HS6ST1: variants seen among roughly 807,000 people sequenced by gnomAD.
HS6ST1 encodes heparan sulfate 6-O-sulfotransferase 1.
HS6ST1 carries 3 observed loss-of-function variants against 25.2 expected under a neutral mutation model. The ratio of observed to expected loss-of-function variants is 0.12; its 90% CI spans 0.05 to 0.31. The LOEUF is 0.31. Among genes scored for constraint, HS6ST1 ranks in the 10% least tolerant of loss-of-function variants. The probability of loss-of-function intolerance (pLI) is 1.00; values close to 1 mark genes in which losing one functional copy is unlikely to be tolerated. For missense variants in HS6ST1, 310 were observed against 609.6 expected, an observed-to-expected ratio of 0.51 and a Z score of 5.18; for synonymous variants, 204 against 275.1, an observed-to-expected ratio of 0.74 and a Z score of 2.56.
intron 1 of HS6ST1, among the ~76,000 whole-genome samples, chr2:128,276,120 T>C (rs190986278): frequency 1.2e-3 from 182 of 152,308 alleles, no homozygotes; most frequent in Non-Finnish European, 2.2e-3. Context: ...GGGACACACA[T>C]ATACATGTTG....
At chr2:128,316,927 G>C (rs2104940678) in intron 1 of HS6ST1, among the ~76,000 whole-genome samples, 1 of 152,274 alleles carries the variant, frequency 6.6e-6, no homozygotes. Context: ...CTGGACCCAA[G>C]AGTGCCAGCC....
At chr2:128,292,881 A>T (rs1242436467) in intron 1 of HS6ST1, among the ~76,000 whole-genome samples, 1 of 151,848 alleles carries the variant, frequency 6.6e-6, no homozygotes, top group East Asian at 1.9e-4. Flanking sequence ...GGCACCTGAG[A>T]CATGGGGTGT....
intron 1 of HS6ST1, among the ~76,000 whole-genome samples, chr2:128,285,862 G>T (rs1190699833): frequency 1.3e-5 from 2 of 152,242 alleles, no homozygotes; most frequent in East Asian, 3.9e-4. Flanking sequence ...AGTGGGACAG[G>T]TGCCGTCTGC....
At chr2:128,283,534 G>A (rs1485634567) in intron 1 of HS6ST1, among the ~76,000 whole-genome samples, 4 of 152,180 alleles carry the variant, frequency 2.6e-5, no homozygotes, top group Admixed American at 6.5e-5. Context: ...AGGTGACCCC[G>A]GGCCAGGTCT....
intron 1 of HS6ST1, among the ~76,000 whole-genome samples, chr2:128,276,402 T>A (rs891897977): frequency 1.3e-5 from 2 of 152,122 alleles, no homozygotes; most frequent in African/African-American, 4.8e-5. Flanking sequence ...TCCCAAAGTG[T>A]TGGGATGACA....
At position 128,274,561 on chromosome 2, in the gene HS6ST1, AGAAC is replaced by A. The variant is rs745624046; in HGVS notation, c.528-5695_528-5692del. ...TTAGCAAAAAAGGAAAAGAAAAAAC[AGAAC>A]AAACAAACAAACAAACAAACTTGGA... On this transcript the variant is annotated intron_variant, in intron 1 of 1. Coordinates refer to ENST00000259241, the MANE Select transcript of HS6ST1 (RefSeq NM_004807.3). Among the ~76,000 whole-genome samples the A allele has an allele frequency of 1.0e-4, 14 of 135,194 alleles. No homozygotes were observed. The Admixed American group carries it at 1.2e-3, about 12-fold the overall frequency. The allele number at this position is 135,194 out of a possible 152,430, so 88.7% of individuals were successfully genotyped here.
intron 1 of HS6ST1, among the ~76,000 whole-genome samples, chr2:128,275,017 G>A (rs1444194646): frequency 2.8e-5 from 4 of 143,022 alleles, no homozygotes; most frequent in African/African-American, 7.9e-5. Context: ...GGAATGGACA[G>A]ATGGCCTGAC....
At chr2:128,297,274 G>A (rs1312883114) in intron 1 of HS6ST1, among the ~76,000 whole-genome samples, 2 of 152,146 alleles carry the variant, frequency 1.3e-5, no homozygotes, top group Non-Finnish European at 2.9e-5. Flanking sequence ...ATTCAATGGG[G>A]AAAACACACT....
chr2:128,291,072 C>T (rs1693944034), intron 1 of HS6ST1, among the ~76,000 whole-genome samples: 1 of 152,206 alleles, frequency 6.6e-6, no homozygotes, highest in African/African-American at 2.4e-5. Context: ...TGCATTCCCT[C>T]TAAGATCATG....
intron 1 of HS6ST1, among the ~76,000 whole-genome samples, chr2:128,289,362 G>C (rs528910824): frequency 6.6e-6 from 1 of 152,294 alleles, no homozygotes; most frequent in Non-Finnish European, 1.5e-5. Context: ...GCAGGCATTT[G>C]CTCATTTTAT....
intron 1 of HS6ST1, among the ~76,000 whole-genome samples, chr2:128,286,480 A>T (rs1171715331): frequency 6.6e-6 from 1 of 152,228 alleles, no homozygotes; most frequent in African/African-American, 2.4e-5. Flanking sequence ...ACAAACCTGC[A>T]GAGCAGCAGA....
chr2:128,306,224 AC>A (rs1355155260), intron 1 of HS6ST1, among the ~76,000 whole-genome samples: 1 of 152,146 alleles, frequency 6.6e-6, no homozygotes, highest in African/African-American at 2.4e-5. Flanking sequence ...CAGGGCTAGC[AC>A]GCTGGTGTCA....
intron 1 of HS6ST1, among the ~76,000 whole-genome samples, chr2:128,276,509 G>A (rs1297342862): frequency 6.6e-5 from 10 of 152,164 alleles, no homozygotes; most frequent in Non-Finnish European, 1.5e-5. Context: ...GTGGGGCTGG[G>A]ATGGCGCTGG....
intron 1 of HS6ST1, among the ~76,000 whole-genome samples, chr2:128,294,671 CGTGTGTGTGTGTGTGTGTGTGTGTGT>C (rs56059401): frequency 2.2e-5 from 3 of 136,046 alleles, no homozygotes; most frequent in African/African-American, 8.2e-5. Flanking sequence ...AGAAGGGAGG[CGTGTGTGTGTGTGTGTGTGTGTGTGT>C]GTGTGTGTGT....
At chr2:128,287,137 G>A (rs879609992) in intron 1 of HS6ST1, among the ~76,000 whole-genome samples, 35 of 152,188 alleles carry the variant, frequency 2.3e-4, no homozygotes, top group Non-Finnish European at 4.0e-4. Flanking sequence ...ACTGTGGGGT[G>A]CCATGCAGGC....
At chr2:128,309,516 C>T (rs1356098971) in intron 1 of HS6ST1, among the ~76,000 whole-genome samples, 1 of 152,222 alleles carries the variant, frequency 6.6e-6, no homozygotes, top group Non-Finnish European at 1.5e-5. Flanking sequence ...TAACAGGCCC[C>T]TGCCCCTGCC....
At chr2:128,269,787 C>A (rs1244010919) in intron 1 of HS6ST1, among the ~76,000 whole-genome samples, 3 of 152,188 alleles carry the variant, frequency 2.0e-5, no homozygotes, top group East Asian at 1.9e-4. Context: ...CCCCTCACTG[C>A]CCGGGGGAGC....
chr2:128,309,552 C>T (rs983611056), intron 1 of HS6ST1, among the ~76,000 whole-genome samples: 5 of 152,254 alleles, frequency 3.3e-5, no homozygotes, highest in Admixed American at 2.6e-4. Context: ...CGGTCACCCA[C>T]GGCCACTGAC....
chr2:128,292,803 G>A (rs1190738277), intron 1 of HS6ST1, among the ~76,000 whole-genome samples: 2 of 152,236 alleles, frequency 1.3e-5, no homozygotes, highest in East Asian at 1.9e-4. Context: ...AAGGGCAGCA[G>A]GAAGGGCAGG....
Sources: gnomAD v4.1 joint callset for allele counts (sites outside exome capture counted in the v4.1 genomes callset) on GRCh38, gnomAD v4.1.1 for gene constraint, MANE v1.5 for transcripts, NCBI Gene and HGNC (gene_info 2026-07-23, HGNC 2026-07-21) for gene names.